The following ADAMTSL2 variants were observed in gnomAD, a reference collection of about 807,000 sequenced individuals.
ADAMTSL2 encodes ADAMTS like 2.
A neutral mutation model predicts 117.0 loss-of-function variants in ADAMTSL2; 55 were observed. That is an observed-to-expected ratio of 0.47 (90% confidence interval 0.38 to 0.59). The LOEUF (loss-of-function observed/expected upper bound fraction) is 0.59, where lower values mean the gene tolerates loss of function less well. ADAMTSL2 is among the 20% of genes least tolerant of loss of function. The pLI is 0.00. For missense variants in ADAMTSL2, 1,182 were observed against 1,354.5 expected (o/e 0.87, Z 2.00); for synonymous variants, 572 against 566.4 (o/e 1.01, Z -0.14).
chr9:133,555,037 A>G (rs1048602782), intron 10 of ADAMTSL2, among the ~76,000 whole-genome samples: 5 of 151,960 alleles, frequency 3.3e-5, no homozygotes, highest in African/African-American at 9.7e-5. Flanking sequence ...CGCTCACTCA[A>G]CGAGCACCTG....
chr9:133,563,393 C>T (rs1035900590), intron 12 of ADAMTSL2, among the ~76,000 whole-genome samples: 1 of 152,258 alleles, frequency 6.6e-6, no homozygotes, highest in South Asian at 2.1e-4. Flanking sequence ...AGTTCCTCCA[C>T]TCTTCCTGGC....
rs564802427 is a variant in ADAMTSL2 at position 133,544,280 on chromosome 9, C to A, written c.683-190C>A. 7.2e-5 allele frequency among the ~76,000 whole-genome samples: 11 copies of A among 152,240 alleles called. 1 individual carries two copies. The highest frequency in any genetic ancestry group is 4.2e-4 in the South Asian group (2 of 4,818). On this transcript the variant is annotated intron_variant, in intron 7 of 18. Coordinates refer to ENST00000651351, the MANE Select transcript of ADAMTSL2 (RefSeq NM_014694.4). ...CTTGGTAGGAAGGGGTGAGCCTGGG[C>A]AGGTGCCCAGCTTGGTGAGTCAGCC...
At position 133,534,860 on chromosome 9, in the gene ADAMTSL2, T is replaced by A; in HGVS notation, c.-208T>A. On this transcript the variant is annotated 5_prime_UTR_variant, in exon 1 of 19. Transcript: ENST00000651351. ...CACGCACAGCGCACCTGGCGCCGTC[T>A]GCCCTCCGCAGCGCTCGCCCCTTTC... The A allele has an allele frequency of 1.3e-6, 2 of 1,491,154 alleles. No homozygotes were observed. Among genetic ancestry groups the A allele is most frequent in the Non-Finnish European group, 1.8e-6 (2 of 1,115,846 alleles). 92.4% of individuals were successfully genotyped at this position (1,491,154 alleles called of 1,614,324 possible). A position where few individuals can be genotyped will look rare whatever the true frequency, so the allele number is the denominator to read the frequency against.
At chr9:133,547,849 C>T (rs943981816) in intron 9 of ADAMTSL2, among the ~76,000 whole-genome samples, 8 of 152,240 alleles carry the variant, frequency 5.3e-5, no homozygotes, top group African/African-American at 9.6e-5. Context: ...GCTCAGGGCC[C>T]GAGCAGTGGG....
chr9:133,572,547 G>T (rs565222334), intron 17 of ADAMTSL2, among the ~76,000 whole-genome samples: 3,813 of 152,222 alleles, frequency 0.025, 63 homozygotes, highest in Middle Eastern at 0.1. Flanking sequence ...AGCTTCAGAT[G>T]GGGGGGCCAC....
Position 133,574,870 on chromosome 9 carries a change from G to A in ADAMTSL2, c.*6G>A, listed in dbSNP as rs1049226946. The A allele has an allele frequency of 2.5e-6, 4 of 1,608,040 alleles. No homozygotes were observed. The African/African-American group carries it at 5.4e-5, about 22-fold the overall frequency. On this transcript the variant is annotated 3_prime_UTR_variant, in exon 19 of 19. Transcript: ENST00000651351. The stretch of plus-strand genomic sequence containing the variant: ...GCAGGCCCCCCCACTCCTAGGCCCG[G>A]CAGCTGCAGCCCCTTCCAGATGAAG...
intron 8 of ADAMTSL2, among the ~76,000 whole-genome samples, chr9:133,546,121 C>T (rs1360408020): frequency 6.6e-6 from 1 of 152,126 alleles, no homozygotes; most frequent in African/African-American, 2.4e-5. Flanking sequence ...CGGCCTCCTC[C>T]CTGCGTCCCC....
At chr9:133,538,811 C>G (rs933890948) in intron 4 of ADAMTSL2, among the ~76,000 whole-genome samples, 1 of 152,124 alleles carries the variant, frequency 6.6e-6, no homozygotes, top group Non-Finnish European at 1.5e-5. Context: ...CAGTACCCCC[C>G]ACGCCATAAA....
intron 7 of ADAMTSL2, among the ~76,000 whole-genome samples, 183 bp downstream of exon 7, chr9:133,541,184 A>G (rs1395983710): frequency 6.6e-6 from 1 of 152,168 alleles, no homozygotes; most frequent in East Asian, 1.9e-4. Flanking sequence ...GTTGGCTTGC[A>G]AGAATGGGCA....
intron 11 of ADAMTSL2, among the ~76,000 whole-genome samples, chr9:133,560,229 A>C (rs1830694509): frequency 1.3e-5 from 2 of 152,178 alleles, no homozygotes; most frequent in African/African-American, 4.8e-5. Context: ...ATCTCTAGCC[A>C]GCCCCTCTGG....
Position 133,544,453 on chromosome 9 carries a change from C to T in ADAMTSL2, c.683-17C>T. 1 of 1,607,492 alleles carries T rather than the reference C, an allele frequency of 6.2e-7. No individual in the cohort carries two copies. The highest frequency in any genetic ancestry group is 1.1e-5 in the South Asian group (1 of 90,976). On this transcript the variant is annotated splice_polypyrimidine_tract_variant and intron_variant, in intron 7 of 18. Coordinates refer to ENST00000651351, the MANE Select transcript of ADAMTSL2 (RefSeq NM_014694.4). ...TTTCCAATCAAGAGGGGCTCACTGT[C>T]ATCCTTTTGCCTCCAGGTTACTCTC...
rs1830046051 is a variant in ADAMTSL2, at chr9:133,536,181, T to C, written c.-150-382T>C. On this transcript the variant is annotated intron_variant, in intron 1 of 18. Transcript: ENST00000651351. ...CGGGACCTGGCCAAGCCCATCCCCA[T>C]GCACTGACCCTAGCAGCCAGTGGCA... is the stretch of plus-strand genomic sequence containing the variant. Among the ~76,000 whole-genome samples, 3 of 152,216 alleles carry C rather than the reference T, an allele frequency of 2.0e-5. No individual in the cohort carries two copies. In the South Asian group the frequency reaches 6.2e-4, roughly 32 times the overall value.
chr9:133,563,387 C>T (rs796624189), intron 12 of ADAMTSL2, among the ~76,000 whole-genome samples: 5 of 152,334 alleles, frequency 3.3e-5, no homozygotes, highest in African/African-American at 1.2e-4. Flanking sequence ...GCCCTGAGTT[C>T]CTCCACTCTT....
At chr9:133,572,690 C>T (rs1260263782) in intron 17 of ADAMTSL2, among the ~76,000 whole-genome samples, 1 of 152,128 alleles carries the variant, frequency 6.6e-6, no homozygotes. Flanking sequence ...GAGGAGCATC[C>T]CCCTAGCCCT....
At chr9:133,571,452 T>G (rs1831104743) in intron 17 of ADAMTSL2, among the ~76,000 whole-genome samples, 1 of 152,130 alleles carries the variant, frequency 6.6e-6, no homozygotes, top group African/African-American at 2.4e-5. Context: ...GGTGGCAAAC[T>G]GGGTGCCCCC....
chr9:133,560,074 C>G (rs1415363298), intron 11 of ADAMTSL2, among the ~76,000 whole-genome samples: 1 of 152,244 alleles, frequency 6.6e-6, no homozygotes, highest in Non-Finnish European at 1.5e-5. Context: ...CAATCCAAAC[C>G]CATGTCTGTA....
Position 133,575,077 on chromosome 9 carries a change from C to T in ADAMTSL2, c.*213C>T, listed in dbSNP as rs528274904. 70 of 589,356 alleles carry T rather than the reference C, an allele frequency of 1.2e-4. No individual in the cohort carries two copies. Among genetic ancestry groups the T allele is most frequent in the South Asian group, 9.7e-4 (49 of 50,470 alleles). The allele number at this position is 589,356 out of a possible 1,614,324, so 36.5% of individuals were successfully genotyped here. On this transcript the variant is annotated 3_prime_UTR_variant, in exon 19 of 19. Transcript: ENST00000651351. Reference sequence around the variant, plus strand: ...CCGGCACCCAGTGGCCTCCCCCAGACAGAGCCACCCCTGCCGTGGGAACCT... The same window carrying T: ...CCGGCACCCAGTGGCCTCCCCCAGATAGAGCCACCCCTGCCGTGGGAACCT...
At chr9:133,539,665 G>GCTGTCCCGC in intron 4 of ADAMTSL2, 106 bp from the exon 5 acceptor site, 1 of 1,136,944 alleles carries the variant, frequency 8.8e-7, no homozygotes, top group Non-Finnish European at 1.3e-6. Context: ...GGCTGTCCCG[G>GCTGTCCCGC]CTGTCCCGGC....
intron 12 of ADAMTSL2, among the ~76,000 whole-genome samples, chr9:133,564,939 C>T (rs1310682514): frequency 6.6e-6 from 1 of 152,164 alleles, no homozygotes; most frequent in Non-Finnish European, 1.5e-5. Context: ...TGGGGCAGAT[C>T]AGCCTGCCCT....
Sources: allele counts gnomAD v4.1 joint callset (sites outside exome capture counted in the v4.1 genomes callset), GRCh38; gene constraint gnomAD v4.1.1; transcripts MANE v1.5; gene names NCBI Gene and HGNC (gene_info 2026-07-23, HGNC 2026-07-21).